Variants in GLI2 observed in about 807,000 individuals in gnomAD.
The protein encoded by GLI2 is transcription activator GLI2.
In GLI2, 22 loss-of-function variants were observed where a neutral mutation model predicts 78.9. The ratio of observed to expected loss-of-function variants is 0.28; its 90% CI spans 0.20 to 0.40. The LOEUF is 0.40. GLI2 is among the 10% of genes least tolerant of loss of function. The pLI is 1.00. For synonymous variants in GLI2, 974 were observed against 963.7 expected (o/e 1.01, Z -0.20); for missense variants, 2,097 against 2,213.2 (o/e 0.95, Z 1.05).
intron 11 of GLI2, among the ~76,000 whole-genome samples, chr2:120,983,512 T>C (rs10048791): frequency 0.63 from 95,719 of 151,616 alleles, 31,210 homozygotes; most frequent in Non-Finnish European, 0.73. Context: ...CGTTTGTTGG[T>C]AGCCCCCTGG....
At chr2:120,900,185 G>A (rs1428335140) in intron 2 of GLI2, among the ~76,000 whole-genome samples, 2 of 152,228 alleles carry the variant, frequency 1.3e-5, no homozygotes, top group African/African-American at 4.8e-5. Context: ...ATTGCCTCTT[G>A]AATGGTGGAT....
intron 2 of GLI2, among the ~76,000 whole-genome samples, chr2:120,850,296 GAGAACAGAACAGAAC>G (rs36215027): frequency 1.3e-5 from 2 of 151,146 alleles, no homozygotes; most frequent in Non-Finnish European, 3.0e-5. Context: ...TAGAGAAGGG[GAGAACAGAACAGAAC>G]AGAACAGAAC....
intron 2 of GLI2, among the ~76,000 whole-genome samples, chr2:120,813,940 T>C (rs1685376776): frequency 6.7e-6 from 1 of 150,056 alleles, no homozygotes; most frequent in South Asian, 2.1e-4. Flanking sequence ...TTATTTGGAG[T>C]TGTAGGGAAG....
intron 2 of GLI2, among the ~76,000 whole-genome samples, chr2:120,877,896 G>C (rs1688841425): frequency 6.6e-6 from 1 of 152,148 alleles, no homozygotes; most frequent in Non-Finnish European, 1.5e-5. Flanking sequence ...GAATGGAACT[G>C]CTGGGTTATA....
At chr2:120,905,373 C>A (rs1678472486) in intron 2 of GLI2, among the ~76,000 whole-genome samples, 1 of 152,154 alleles carries the variant, frequency 6.6e-6, no homozygotes, top group Non-Finnish European at 1.5e-5. Flanking sequence ...GGAGAACTGC[C>A]TACCAGAGGG....
intron 2 of GLI2, among the ~76,000 whole-genome samples, chr2:120,926,612 C>T (rs919396928): frequency 6.6e-6 from 1 of 152,140 alleles, no homozygotes; most frequent in Non-Finnish European, 1.5e-5. Flanking sequence ...CTCCAGGGTA[C>T]CCAGGAATTT....
intron 2 of GLI2, among the ~76,000 whole-genome samples, chr2:120,803,394 G>A (rs1355432915): frequency 6.6e-6 from 1 of 152,238 alleles, no homozygotes; most frequent in Non-Finnish European, 1.5e-5. Flanking sequence ...TCCAAGTTGA[G>A]TATTTGCTTT....
intron 1 of GLI2, among the ~76,000 whole-genome samples, chr2:120,740,572 C>A (rs1413621426): frequency 1.3e-5 from 2 of 152,126 alleles, no homozygotes; most frequent in African/African-American, 2.4e-5. Context: ...GAAGGAAAGC[C>A]GCAAAAGGGT....
chr2:120,835,310 A>T (rs2104563075), intron 2 of GLI2, among the ~76,000 whole-genome samples: 1 of 151,714 alleles, frequency 6.6e-6, no homozygotes, highest in Non-Finnish European at 1.5e-5. Flanking sequence ...ATGCAGCCTT[A>T]GGGAAGATTG....
chr2:120,985,758 C>G (rs938708589), intron 12 of GLI2, among the ~76,000 whole-genome samples: 1 of 152,240 alleles, frequency 6.6e-6, no homozygotes, highest in African/African-American at 2.4e-5. Flanking sequence ...CCCTGCCCCA[C>G]TCTACCTAAC....
At chr2:120,969,983 A>G (rs1166553683) in intron 6 of GLI2, among the ~76,000 whole-genome samples, 1 of 152,156 alleles carries the variant, frequency 6.6e-6, no homozygotes, top group Non-Finnish European at 1.5e-5. Context: ...GAATAATGCA[A>G]GCTGGGGGGC....
intron 5 of GLI2, among the ~76,000 whole-genome samples, chr2:120,962,681 G>A (rs929095567): frequency 2.0e-5 from 3 of 152,194 alleles, no homozygotes. Context: ...GGAAATGAGT[G>A]CCAGGCTTTT....
intron 2 of GLI2, among the ~76,000 whole-genome samples, chr2:120,922,196 C>A (rs899423643): frequency 6.6e-6 from 1 of 152,192 alleles, no homozygotes; most frequent in South Asian, 2.1e-4. Flanking sequence ...TGCATGCATG[C>A]ATAAATAAAT....
intron 2 of GLI2, among the ~76,000 whole-genome samples, chr2:120,920,858 T>G (rs1679336385): frequency 6.7e-6 from 1 of 149,444 alleles, no homozygotes; most frequent in Non-Finnish European, 1.5e-5. Flanking sequence ...TCTGTCCCTC[T>G]GCCGGAAGGA....
At chr2:120,869,338 T>C (rs1688312044) in intron 2 of GLI2, among the ~76,000 whole-genome samples, 1 of 152,234 alleles carries the variant, frequency 6.6e-6, no homozygotes, top group African/African-American at 2.4e-5. Context: ...CAGCTCAGTC[T>C]TGGCTGTTCT....
chr2:120,866,336 A>G (rs963888121), intron 2 of GLI2: 5 of 152,472 alleles, frequency 3.3e-5, no homozygotes, highest in East Asian at 1.9e-4. Context: ...CCTCCTGGTC[A>G]GGGCCCTTCC....
At chr2:120,951,814 T>G in intron 4 of GLI2, 1 of 186,568 alleles carries the variant, frequency 5.4e-6, no homozygotes, top group Non-Finnish European at 1.1e-5. Context: ...GAAGGCGGAG[T>G]GGGCTGGCTG....
rs1195601372 is a variant in GLI2 at position 120,986,597 on chromosome 2, C to A, written c.2225C>A (p.Pro742His). The A allele has an allele frequency of 6.2e-7, 1 of 1,614,070 alleles. No individual in the cohort carries two copies. Among genetic ancestry groups the A allele is most frequent in the African/African-American group, 1.3e-5 (1 of 75,052 alleles). Residue 742 changes from proline to histidine, a missense_variant, in exon 13 of 14, where the codon CCT (proline) becomes CAT (histidine). Physicochemically the swap from Pro to His is moderately conservative, Grantham distance 77. This residue lies in a region of GLI2 where 1,290 missense variants were observed against 1,261.7 expected (regional missense o/e 1.02). Coordinates refer to ENST00000361492, the MANE Select transcript of GLI2 (RefSeq NM_001374353.1). ...CCACACACGCGGAACACCAAGCTGC[C>A]TCCCCTCCCGGGAAGTGGTGAGTAA... ...PTPHTRNTKL[P>H]PLPGSGSILE...
At chr2:120,833,672 C>T (rs1406196111) in intron 2 of GLI2, among the ~76,000 whole-genome samples, 1 of 152,194 alleles carries the variant, frequency 6.6e-6, no homozygotes, top group African/African-American at 2.4e-5. Flanking sequence ...CCACCTCCCA[C>T]CACCGAGGTC....
Sources: gnomAD v4.1 joint callset for allele counts (sites outside exome capture counted in the v4.1 genomes callset) on GRCh38, gnomAD v4.1.1 for gene constraint, gnomAD v4.1.1 regional missense constraint, MANE v1.5 for transcripts, NCBI Gene and HGNC (gene_info 2026-07-23, HGNC 2026-07-21) for gene names.